Variants in PAIP1 observed in about 807,000 individuals in gnomAD.
PAIP1 encodes poly(A) binding protein interacting protein 1.
Under a neutral mutation model 61.3 loss-of-function variants are expected in PAIP1, and 16 were observed. The ratio of observed to expected loss-of-function variants is 0.26; its 90% CI spans 0.18 to 0.40. PAIP1 has a LOEUF of 0.40. Ranked by LOEUF, PAIP1 falls within the 10% of genes least tolerant of loss-of-function variation. The probability of loss-of-function intolerance (pLI) is 1.00; values close to 1 mark genes in which losing one functional copy is unlikely to be tolerated. For synonymous variants in PAIP1, 187 were observed against 226.2 expected, an observed-to-expected ratio of 0.83 and a Z score of 1.56; for missense variants, 416 against 600.9, an observed-to-expected ratio of 0.69 and a Z score of 3.22.
Position 43,547,788 on chromosome 5 carries a change from C to T in PAIP1, c.561G>A (p.Leu187=), listed in dbSNP as rs1156712474. Residue 187 remains leucine, a synonymous_variant, in exon 3 of 11, where the codon CTG becomes CTA. Coordinates refer to ENST00000306846, the MANE Select transcript of PAIP1 (RefSeq NM_006451.5). ...ETEIEQFAET[L]NGCVTTDDAL... is the part of the protein sequence containing the mutation. The stretch of plus-strand genomic sequence containing the variant: ...CATCATCTGTTGTAACACAACCATT[C>T]AGGGTCTCTGCAAACTGTTCAATTT... 1.2e-6 allele frequency: 2 copies of T among 1,612,142 alleles called. No homozygotes were observed. The highest frequency in any genetic ancestry group is 1.7e-6 in the Non-Finnish European group (2 of 1,179,452).
chr5:43,538,855 A>AC lies in PAIP1; in HGVS notation c.846+68_846+69insG. The AC allele has an allele frequency of 3.7e-6, 3 of 803,418 alleles. No homozygotes were observed. In the South Asian group the frequency reaches 4.4e-5, roughly 12 times the overall value. The allele number at this position is 803,418 out of a possible 1,614,324, so 49.8% of individuals were successfully genotyped here. A position where few individuals can be genotyped will look rare whatever the true frequency, so the allele number is the denominator to read the frequency against. Reference sequence around the variant, plus strand: ...TGTTGTAAAAGTACAATGTGAACACAAATTCCTCATTGAGATCAACTTATG... The same window carrying AC: ...TGTTGTAAAAGTACAATGTGAACACACAATTCCTCATTGAGATCAACTTATG... On this transcript the variant is annotated intron_variant, in intron 5 of 10. Transcript: ENST00000306846.
intron 3 of PAIP1, 103 bp downstream of exon 3, chr5:43,547,625 G>A (rs1747692090): frequency 2.9e-6 from 2 of 700,552 alleles, no homozygotes; most frequent in African/African-American, 3.6e-5. Flanking sequence ...GAGTAAGTGT[G>A]GAGGCAGGTG....
In PAIP1 at chr5:43,533,739, T is replaced by C; in HGVS notation, c.1251A>G (p.Pro417=). The C allele has an allele frequency of 6.3e-7, 1 of 1,582,114 alleles. No individual in the cohort carries two copies. Among genetic ancestry groups the C allele is most frequent in the Non-Finnish European group, 8.7e-7 (1 of 1,150,858 alleles). ...GGGAATGACTGTGAGACAACATACCTGGATCAGCTGCAGTGAAAGGAACAC... is the reference window on the plus strand; with the variant it reads ...GGGAATGACTGTGAGACAACATACCCGGATCAGCTGCAGTGAAAGGAACAC... ...SDGVPFTAAD[P]DYQEKYQELL... is the part of the protein sequence containing the mutation. Residue 417 remains proline, a splice_region_variant and synonymous_variant, in exon 9 of 11, where the codon CCA becomes CCG. Transcript: ENST00000306846.
At chr5:43,537,639 C>T (rs1160701440) in intron 5 of PAIP1, among the ~76,000 whole-genome samples, 1 of 152,084 alleles carries the variant, frequency 6.6e-6, no homozygotes, top group Admixed American at 6.5e-5. Flanking sequence ...CGTTTACGAT[C>T]TTAAGTTCTC....
chr5:43,536,657 A>C (rs756879002), intron 6 of PAIP1, among the ~76,000 whole-genome samples, 162 bp downstream of exon 6: 1 of 152,222 alleles, frequency 6.6e-6, no homozygotes, highest in Non-Finnish European at 1.5e-5. Context: ...ATATTAAACA[A>C]TAAGTATATC....
rs1203805951 is a variant in PAIP1, at chr5:43,556,521, G to A, written c.265+61C>T. 10 of 1,226,804 alleles carry A rather than the reference G, an allele frequency of 8.2e-6. No individual in the cohort carries two copies. The Admixed American group carries it at 1.3e-4, about 16-fold the overall frequency. 76.0% of individuals were successfully genotyped at this position (1,226,804 alleles called of 1,614,324 possible). ...GACAGCGCGTCGGGCCTCGGCACGC[G>A]TGGAGGGCCGTGGGGAAGCGTTCGC... is the stretch of plus-strand genomic sequence containing the variant. On this transcript the variant is annotated intron_variant, in intron 1 of 10. Coordinates refer to ENST00000306846, the MANE Select transcript of PAIP1 (RefSeq NM_006451.5).
chr5:43,551,367 C>T (rs1045638921), intron 2 of PAIP1, among the ~76,000 whole-genome samples: 2 of 152,142 alleles, frequency 1.3e-5, no homozygotes, highest in Non-Finnish European at 2.9e-5. Flanking sequence ...TGGTTAAATA[C>T]ATTATCATAT....
rs202068261 is a variant in PAIP1, at chr5:43,535,124, T to TA, written c.1080-155dup. On this transcript the variant is annotated intron_variant, in intron 7 of 10. Transcript: ENST00000306846. ...GTTTCCTATATGACATAAATTCATT[T>TA]AAAAAAAAAATAGCCTTGAATTATG... 7.1e-4 allele frequency among the ~76,000 whole-genome samples: 107 copies of TA among 150,048 alleles called. 1 individual carries two copies. Among genetic ancestry groups the TA allele is most frequent in the South Asian group, 3.0e-3 (14 of 4,742 alleles).
At chr5:43,542,637 C>T (rs1747460504) in intron 4 of PAIP1, among the ~76,000 whole-genome samples, 1 of 151,340 alleles carries the variant, frequency 6.6e-6, no homozygotes, top group Non-Finnish European at 1.5e-5. Flanking sequence ...GAATCAAAAC[C>T]CAAATAATGC....
chr5:43,556,605 G>T lies in PAIP1; in HGVS notation c.242C>A (p.Pro81His). The change falls in exon 1 of 11, where the codon CCT (proline) becomes CAT (histidine). Residue 81 changes from proline to histidine, a missense_variant. Pro to His is a moderately conservative substitution (Grantham distance 77). This residue lies in a region of PAIP1 where 180 missense variants were observed against 211.2 expected (regional missense o/e 0.85). Transcript: ENST00000306846. Reference protein sequence around the residue: ...QCEVPASPQRPSRPGALPEQT... With the variant: ...QCEVPASPQRHSRPGALPEQT... ...ACCTGGGAGCGCCCCGGGCCGGGAA[G>T]GCCGCTGGGGGCTGGCGGGGACCTC... The T allele has an allele frequency of 8.0e-7, 1 of 1,254,148 alleles. No homozygotes were observed. Among genetic ancestry groups the T allele is most frequent in the East Asian group, 3.1e-5 (1 of 31,778 alleles). The allele number at this position is 1,254,148 out of a possible 1,614,324, so 77.7% of individuals were successfully genotyped here.
Position 43,527,359 on chromosome 5 carries a change from T to TA in PAIP1, c.*16dup, listed in dbSNP as rs765838545. 3 of 1,575,658 alleles carry TA rather than the reference T, an allele frequency of 1.9e-6. No homozygotes were observed. The African/African-American group carries it at 4.1e-5, about 22-fold the overall frequency. On this transcript the variant is annotated 3_prime_UTR_variant, in exon 11 of 11. Transcript: ENST00000306846. ...TACCTAAACTGCTTTATAAAACTGA[T>TA]ATGCTGAAATTTAACTTTACTGTTT...
chr5:43,544,911 G>A (rs374605544), intron 3 of PAIP1, among the ~76,000 whole-genome samples: 61 of 152,154 alleles, frequency 4.0e-4, no homozygotes, highest in African/African-American at 5.5e-4. Context: ...TTTCAGATAC[G>A]GGATACTCAA....
Position 43,556,797 on chromosome 5 carries a change from C to T in PAIP1, c.50G>A (p.Arg17Gln). Residue 17 changes from arginine (R) to glutamine (Q), a missense_variant, in exon 1 of 11, where the codon CGG becomes CAG. By Grantham distance (43) the Arg-to-Gln change is conservative. Transcript: ENST00000306846. ...CCCGCCCCCTCCGCGGCCCAGGCCC[C>T]GGCTCCGGCCCCGACCAGCACCTGG... ...RAPGAGRGRS[R>Q]GLGRGGGGPE... 3 of 1,452,962 alleles carry T rather than the reference C, an allele frequency of 2.1e-6. No homozygotes were observed. Among genetic ancestry groups the T allele is most frequent in the Non-Finnish European group, 1.8e-6 (2 of 1,105,772 alleles). The allele number at this position is 1,452,962 out of a possible 1,614,324, so 90.0% of individuals were successfully genotyped here.
chr5:43,527,553 A>G (rs1241890967), intron 10 of PAIP1, 84 bp from the exon 11 acceptor site: 54 of 1,253,392 alleles, frequency 4.3e-5, no homozygotes, highest in Non-Finnish European at 5.6e-5. Context: ...ATAATGTAAT[A>G]CAACTTTCCT....
Position 43,556,982 on chromosome 5 carries a change from C to G in PAIP1, c.-136G>C, listed in dbSNP as rs972499119. ...TCATGGAGGAGGAGGGCGGCGGGCC[C>G]CGGCTCGGCTGCTCGGTGCTTCTGG... On this transcript the variant is annotated 5_prime_UTR_variant, in exon 1 of 11. Transcript: ENST00000306846. 65 of 1,236,784 alleles carry G rather than the reference C, an allele frequency of 5.3e-5. 2 individuals are homozygous for G. Among genetic ancestry groups the G allele is most frequent in the South Asian group, 4.4e-4 (14 of 32,058 alleles). The allele number at this position is 1,236,784 out of a possible 1,614,324, so 76.6% of individuals were successfully genotyped here.
chr5:43,533,275 G>A (rs1445400524), intron 9 of PAIP1, among the ~76,000 whole-genome samples: 1 of 152,166 alleles, frequency 6.6e-6, no homozygotes, highest in East Asian at 1.9e-4. Flanking sequence ...TCTTCTGGAA[G>A]AGGAAATGTG....
chr5:43,527,716 A>G (rs540468926), intron 10 of PAIP1, among the ~76,000 whole-genome samples: 2 of 152,198 alleles, frequency 1.3e-5, no homozygotes, highest in African/African-American at 2.4e-5. Context: ...ACTTTTAGAC[A>G]TAAGTTAAAT....
rs760100836 is a variant in PAIP1, at chr5:43,533,781, T to C, written c.1209A>G (p.Thr403=). The C allele has an allele frequency of 2.5e-6, 4 of 1,576,934 alleles. No individual in the cohort carries two copies. Among genetic ancestry groups the C allele is most frequent in the Admixed American group, 1.7e-5 (1 of 59,962 alleles). ...NDPNYFMNEP[T]FYTSDGVPFT... ...AAGGAACACCATCAGATGTATAAAA[T>C]GTTGGTTCATTCTAGGATGAATCAA... The change falls in exon 9 of 11, where the codon ACA becomes ACG. Residue 403 remains threonine, a synonymous_variant. Transcript: ENST00000306846.
intron 2 of PAIP1, among the ~76,000 whole-genome samples, chr5:43,551,770 A>G (rs992324132): frequency 1.4e-5 from 2 of 145,530 alleles, no homozygotes; most frequent in African/African-American, 5.2e-5. Context: ...TTTAAAGTCA[A>G]CAGAACTCTC....
Sources: allele counts gnomAD v4.1 joint callset (sites outside exome capture counted in the v4.1 genomes callset), GRCh38; gene constraint gnomAD v4.1.1; regional missense constraint gnomAD v4.1.1; transcripts MANE v1.5; gene names NCBI Gene and HGNC (gene_info 2026-07-23, HGNC 2026-07-21).